Variants in IGF2BP1 observed in about 807,000 individuals in gnomAD.
IGF2BP1 encodes the protein insulin-like growth factor 2 mRNA-binding protein 1.
IGF2BP1 carries 11 observed loss-of-function variants against 74.9 expected under a neutral mutation model. The ratio of observed to expected loss-of-function variants is 0.15; its 90% CI spans 0.09 to 0.24. The LOEUF is 0.24. Ranked by LOEUF, IGF2BP1 falls within the 10% of genes least tolerant of loss-of-function variation. The probability of loss-of-function intolerance (pLI) is 1.00; values close to 1 mark genes in which losing one functional copy is unlikely to be tolerated. For missense variants in IGF2BP1, 440 were observed against 757.4 expected, an observed-to-expected ratio of 0.58 and a Z score of 4.92; for synonymous variants, 287 against 281.8, an observed-to-expected ratio of 1.02 and a Z score of -0.18.
intron 2 of IGF2BP1, among the ~76,000 whole-genome samples, chr17:49,021,159 A>G (rs116832545): frequency 0.019 from 2,832 of 151,686 alleles, 89 homozygotes; most frequent in African/African-American, 0.063. Context: ...AAAAAAAAAA[A>G]GCAGGCTCTT....
At chr17:49,016,076 T>G (rs2041697699) in intron 2 of IGF2BP1, among the ~76,000 whole-genome samples, 1 of 152,250 alleles carries the variant, frequency 6.6e-6, no homozygotes, top group Admixed American at 6.5e-5. Flanking sequence ...AAAAGCCAGT[T>G]GGCACGCACT....
At chr17:49,019,909 T>TAG (rs1423265193) in intron 2 of IGF2BP1, among the ~76,000 whole-genome samples, 2 of 20,352 alleles carry the variant, frequency 9.8e-5, no homozygotes, top group African/African-American at 8.0e-4. Flanking sequence ...CTAATTTATA[T>TAG]ATATATATAT....
At chr17:49,048,811 T>C (rs2042134608) in intron 14 of IGF2BP1, among the ~76,000 whole-genome samples, 1 of 152,078 alleles carries the variant, frequency 6.6e-6, no homozygotes, top group Non-Finnish European at 1.5e-5. Context: ...GGATGCGCAG[T>C]GCATGTGAAG....
intron 10 of IGF2BP1, 138 bp downstream of exon 10, chr17:49,043,688 T>C: frequency 9.2e-7 from 1 of 1,092,584 alleles, no homozygotes; most frequent in Non-Finnish European, 1.3e-6. Flanking sequence ...GCATCCCTCC[T>C]CTCCAGTGCT....
In IGF2BP1 at chr17:49,050,747, A is replaced by T. The variant is rs1232675539; in HGVS notation, c.*1303A>T. On this transcript the variant is annotated 3_prime_UTR_variant, in exon 15 of 15. Coordinates refer to ENST00000290341, the MANE Select transcript of IGF2BP1 (RefSeq NM_006546.4). The stretch of plus-strand genomic sequence containing the variant: ...ATTCAGAATACCAGCAGCATTGTAC[A>T]GCAAGGGGTAAATAAGCTTAATTTA... 1 of 152,544 alleles carries T rather than the reference A, an allele frequency of 6.6e-6. No individual in the cohort carries two copies. The highest frequency in any genetic ancestry group is 2.4e-5 in the African/African-American group (1 of 41,462). 9.4% of individuals were successfully genotyped at this position (152,544 alleles called of 1,614,324 possible).
At chr17:49,019,228 G>A (rs2041745190) in intron 2 of IGF2BP1, among the ~76,000 whole-genome samples, 1 of 152,158 alleles carries the variant, frequency 6.6e-6, no homozygotes, top group Non-Finnish European at 1.5e-5. Flanking sequence ...TTCACACTGT[G>A]CACAGTGCTT....
intron 12 of IGF2BP1, 67 bp downstream of exon 12, chr17:49,045,132 A>G (rs568407796): frequency 1.3e-5 from 18 of 1,385,462 alleles, no homozygotes; most frequent in Non-Finnish European, 1.7e-5. Context: ...CCCCTGAGGT[A>G]GGAAAAAGGC....
chr17:49,009,322 G>A (rs899027356), intron 2 of IGF2BP1, among the ~76,000 whole-genome samples: 3 of 151,798 alleles, frequency 2.0e-5, no homozygotes, highest in Non-Finnish European at 4.4e-5. Flanking sequence ...GTGAGCCACC[G>A]TGCCCTGCTG....
rs1347722116 is a variant in IGF2BP1, at chr17:49,049,914, A to G, written c.*470A>G. On this transcript the variant is annotated 3_prime_UTR_variant, in exon 15 of 15. Coordinates refer to ENST00000290341, the MANE Select transcript of IGF2BP1 (RefSeq NM_006546.4). ...ATACCTCCATTTACGGCCTCTTTCT[A>G]TATTTACACTAATTTTTTTATCTTT... 3 of 153,570 alleles carry G rather than the reference A, an allele frequency of 2.0e-5. No homozygotes were observed. The highest frequency in any genetic ancestry group is 6.4e-5 in the Admixed American group (1 of 15,518). The allele number at this position is 153,570 out of a possible 1,614,324, so 9.5% of individuals were successfully genotyped here.
intron 2 of IGF2BP1, among the ~76,000 whole-genome samples, chr17:49,008,615 T>C (rs1175397299): frequency 6.6e-6 from 1 of 152,196 alleles, no homozygotes; most frequent in Non-Finnish European, 1.5e-5. Context: ...GTAGTTTCTT[T>C]TAAACTTCTA....
chr17:49,016,780 AGCCCGCCAGCCCGCCC>A (rs1348280797), intron 2 of IGF2BP1, among the ~76,000 whole-genome samples: 2 of 141,684 alleles, frequency 1.4e-5, no homozygotes, highest in African/African-American at 2.6e-5. Context: ...GCCACTCGAC[AGCCCGCCAGCCCGCCC>A]GCCCGCCCCC....
At position 49,042,224 on chromosome 17, in the gene IGF2BP1, C is replaced by A; in HGVS notation, c.942-18C>A. Reference sequence around the variant, plus strand: ...CTGGCCTGCCAGTGAAAGGACACAACTCTGCTCTTTCTGCCAGGTTGCAAG... The same window carrying A: ...CTGGCCTGCCAGTGAAAGGACACAAATCTGCTCTTTCTGCCAGGTTGCAAG... On this transcript the variant is annotated intron_variant, in intron 8 of 14. Transcript: ENST00000290341. The A allele has an allele frequency of 6.2e-7, 1 of 1,614,126 alleles. No individual in the cohort carries two copies.
chr17:49,018,744 A>C (rs1279377711), intron 2 of IGF2BP1, among the ~76,000 whole-genome samples: 4 of 151,962 alleles, frequency 2.6e-5, no homozygotes, highest in Non-Finnish European at 5.9e-5. Context: ...CCTTATAGGT[A>C]GACAGGGTTG....
At chr17:49,025,313 AGTGTGTGTGTGTGTGTGTGTGTGT>A (rs369153046) in intron 2 of IGF2BP1, among the ~76,000 whole-genome samples, 63 of 133,650 alleles carry the variant, frequency 4.7e-4, no homozygotes, top group African/African-American at 1.7e-3. Context: ...GGACAAACAA[AGTGTGTGTGTGTGTGTGTGTGTGT>A]GTGTGTGTGT....
At chr17:49,041,054 G>T (rs189415818) in intron 7 of IGF2BP1, among the ~76,000 whole-genome samples, 7 of 152,064 alleles carry the variant, frequency 4.6e-5, no homozygotes, top group Non-Finnish European at 7.4e-5. Flanking sequence ...CGGCCTGTGC[G>T]TATAGTCCCA....
At chr17:49,000,915 A>G (rs1335355063) in intron 2 of IGF2BP1, among the ~76,000 whole-genome samples, 3 of 149,790 alleles carry the variant, frequency 2.0e-5, no homozygotes, top group African/African-American at 7.4e-5. Flanking sequence ...GTTGGAATGG[A>G]GAGGGGGTTT....
chr17:48,997,595 C>T lies in IGF2BP1; in HGVS notation c.-151C>T. ...GCGCGCCCTCAGGCCGCCTTCCCCG[C>T]CCTGGGCTCGGGACAACTTCTGGGG... On this transcript the variant is annotated 5_prime_UTR_variant, in exon 1 of 15. Coordinates refer to ENST00000290341, the MANE Select transcript of IGF2BP1 (RefSeq NM_006546.4). The surrounding 1 kb of genome is among the most constrained non-coding windows in gnomAD (Gnocchi z 4.8). The T allele has an allele frequency of 1.2e-6, 1 of 813,016 alleles. No homozygotes were observed. The highest frequency in any genetic ancestry group is 2.7e-5 in the East Asian group (1 of 36,844). 50.4% of individuals were successfully genotyped at this position (813,016 alleles called of 1,614,324 possible).
At chr17:48,999,356 T>TA (rs5820742) in intron 2 of IGF2BP1, among the ~76,000 whole-genome samples, 187 bp downstream of exon 2, 127,653 of 148,076 alleles carry the variant, frequency 0.86, 55,066 homozygotes, top group Middle Eastern at 0.92. Flanking sequence ...TTACAGCTTG[T>TA]AAAAAAAAAA....
At chr17:49,007,870 A>C (rs2041569226) in intron 2 of IGF2BP1, among the ~76,000 whole-genome samples, 1 of 152,174 alleles carries the variant, frequency 6.6e-6, no homozygotes, top group Non-Finnish European at 1.5e-5. Context: ...TTTGGAGATG[A>C]AGTTCTAAAT....
Sources: allele counts gnomAD v4.1 joint callset (sites outside exome capture counted in the v4.1 genomes callset), GRCh38; gene constraint gnomAD v4.1.1; non-coding constraint Gnocchi (gnomAD v3.1); transcripts MANE v1.5; gene names NCBI Gene and HGNC (gene_info 2026-07-23, HGNC 2026-07-21).